Variants in PRKG1 observed in about 807,000 individuals in gnomAD.
PRKG1 encodes cGMP-dependent protein kinase 1.
A neutral mutation model predicts 88.1 loss-of-function variants in PRKG1; 35 were observed. The observed-to-expected ratio is 0.40, with a 90% CI of 0.30 to 0.53. The LOEUF (loss-of-function observed/expected upper bound fraction) is 0.53, where lower values mean the gene tolerates loss of function less well. Ranked by LOEUF, PRKG1 falls within the 20% of genes least tolerant of loss-of-function variation. The probability of loss-of-function intolerance (pLI) is 0.59; values close to 1 mark genes in which losing one functional copy is unlikely to be tolerated. For synonymous variants in PRKG1, 303 were observed against 292.5 expected (o/e 1.04, Z -0.37); for missense variants, 540 against 839.8 (o/e 0.64, Z 4.41).
chr10:51,576,374 A>T (rs547277937), intron 3 of PRKG1, among the ~76,000 whole-genome samples: 1 of 152,000 alleles, frequency 6.6e-6, no homozygotes, highest in African/African-American at 2.4e-5. Flanking sequence ...TCAACAATGT[A>T]TCATGGGCTT....
chr10:51,392,296 G>T (rs1837425688), intron 2 of PRKG1, among the ~76,000 whole-genome samples: 2 of 152,054 alleles, frequency 1.3e-5, no homozygotes, highest in African/African-American at 4.8e-5. Flanking sequence ...CAGTGTTTGT[G>T]TCCCTGGGTA....
At chr10:52,226,742 C>T (rs970886443) in intron 9 of PRKG1, among the ~76,000 whole-genome samples, 2 of 151,828 alleles carry the variant, frequency 1.3e-5, no homozygotes, top group African/African-American at 4.8e-5. Context: ...TATATTCCTT[C>T]AGGACTATTA....
In PRKG1 at chr10:51,897,443, T is replaced by C. The variant is rs1252057112; in HGVS notation, c.699-10064T>C. ...ATGCTTCTTCCTAGGTAGAGGACAT[T>C]GTTGAACTATTTGCAGATTTCTGTT... On this transcript the variant is annotated intron_variant, in intron 4 of 17. Coordinates refer to ENST00000373980, the MANE Select transcript of PRKG1 (RefSeq NM_006258.4). Among the ~76,000 whole-genome samples the C allele has an allele frequency of 5.3e-5, 8 of 152,272 alleles. No individual in the cohort carries two copies. In the East Asian group the frequency reaches 1.4e-3, roughly 26 times the overall value.
intron 2 of PRKG1, among the ~76,000 whole-genome samples, chr10:51,215,897 T>A (rs1233935246): frequency 2.0e-5 from 3 of 152,240 alleles, no homozygotes; most frequent in Non-Finnish European, 4.4e-5. Flanking sequence ...TGAAAAGCAC[T>A]ACTTTTTAGA....
At chr10:51,394,386 G>A (rs144973207) in intron 2 of PRKG1, among the ~76,000 whole-genome samples, 1 of 152,352 alleles carries the variant, frequency 6.6e-6, no homozygotes, top group East Asian at 1.9e-4. Flanking sequence ...CCAAGAAAGA[G>A]TGCCGCAAGA....
chr10:51,205,876 G>T (rs1838045780), intron 2 of PRKG1, among the ~76,000 whole-genome samples: 1 of 152,090 alleles, frequency 6.6e-6, no homozygotes, highest in African/African-American at 2.4e-5. Flanking sequence ...AGATTTTTCT[G>T]TACCCTTCTC....
chr10:51,312,032 C>T (rs1329725351), intron 2 of PRKG1, among the ~76,000 whole-genome samples: 4 of 151,946 alleles, frequency 2.6e-5, no homozygotes, highest in East Asian at 3.9e-4. Flanking sequence ...CCACCACACC[C>T]GGCTAATTTT....
intron 5 of PRKG1, among the ~76,000 whole-genome samples, chr10:52,025,658 A>G (rs1334098006): frequency 1.3e-5 from 2 of 151,382 alleles, no homozygotes; most frequent in African/African-American, 4.9e-5. Flanking sequence ...GTTATTTCTG[A>G]GGTCTCTGTT....
chr10:51,784,878 T>C (rs1255676727), intron 3 of PRKG1, among the ~76,000 whole-genome samples: 1 of 152,138 alleles, frequency 6.6e-6, no homozygotes, highest in Non-Finnish European at 1.5e-5. Context: ...TCCTTTTTAA[T>C]ATTAAAAGGC....
At chr10:51,593,067 C>T (rs1048775849) in intron 3 of PRKG1, among the ~76,000 whole-genome samples, 1 of 152,128 alleles carries the variant, frequency 6.6e-6, no homozygotes. Flanking sequence ...TGTACTTTTG[C>T]TTTTCAGAAA....
chr10:51,717,339 A>G (rs1413783106), intron 3 of PRKG1, among the ~76,000 whole-genome samples: 1 of 152,212 alleles, frequency 6.6e-6, no homozygotes, highest in African/African-American at 2.4e-5. Flanking sequence ...AGCTTTGGCA[A>G]CTGATTGGGA....
At chr10:51,740,778 T>A (rs1837413025) in intron 3 of PRKG1, among the ~76,000 whole-genome samples, 1 of 152,164 alleles carries the variant, frequency 6.6e-6, no homozygotes, top group African/African-American at 2.4e-5. Flanking sequence ...GCCATAATAT[T>A]TTTCAGAATC....
intron 3 of PRKG1, among the ~76,000 whole-genome samples, chr10:51,796,028 G>T (rs952006546): frequency 6.6e-6 from 1 of 152,050 alleles, no homozygotes; most frequent in African/African-American, 2.4e-5. Context: ...TTGAAAACCA[G>T]TTCTCTCCTA....
At chr10:51,299,113 CCA>C (rs111901671) in intron 2 of PRKG1, among the ~76,000 whole-genome samples, 2,648 of 152,224 alleles carry the variant, frequency 0.017, 75 homozygotes, top group African/African-American at 0.06. Flanking sequence ...TTCCTTAAAG[CCA>C]CACACACTTA....
intron 9 of PRKG1, among the ~76,000 whole-genome samples, chr10:52,219,169 T>G (rs756620158): frequency 6.6e-6 from 1 of 151,022 alleles, no homozygotes; most frequent in Non-Finnish European, 1.5e-5. Flanking sequence ...CGTACTAGGA[T>G]GAATAGATTT....
intron 2 of PRKG1, among the ~76,000 whole-genome samples, chr10:51,378,267 T>C (rs1040155340): frequency 6.6e-6 from 1 of 152,228 alleles, no homozygotes; most frequent in Non-Finnish European, 1.5e-5. Context: ...AGCACTAAGC[T>C]TCTATTTTTA....
chr10:51,795,139 CCAA>C (rs1838975935), intron 3 of PRKG1, among the ~76,000 whole-genome samples: 1 of 152,022 alleles, frequency 6.6e-6, no homozygotes, highest in Non-Finnish European at 1.5e-5. Flanking sequence ...GAATTGGTTT[CCAA>C]CAATTATTGG....
chr10:51,708,952 CAAAAATACTTTGGTGACCTACTCTTAT>C (rs1429619300), intron 3 of PRKG1, among the ~76,000 whole-genome samples: 2 of 152,062 alleles, frequency 1.3e-5, no homozygotes, highest in African/African-American at 4.8e-5. Flanking sequence ...CCATGAATTC[CAAAAATACTTTGGTGACCTACTCTTAT>C]GAAGGAAGGG....
chr10:51,346,143 C>G (rs1842108425), intron 2 of PRKG1, among the ~76,000 whole-genome samples: 1 of 152,158 alleles, frequency 6.6e-6, no homozygotes, highest in Non-Finnish European at 1.5e-5. Flanking sequence ...TTAAACCCAA[C>G]AGAGGGACGC....
Sources: gnomAD v4.1 joint callset for allele counts (sites outside exome capture counted in the v4.1 genomes callset) on GRCh38, gnomAD v4.1.1 for gene constraint, MANE v1.5 for transcripts, NCBI Gene and HGNC (gene_info 2026-07-23, HGNC 2026-07-21) for gene names.